The following ZCCHC7 variants were observed in gnomAD, a reference collection of about 807,000 sequenced individuals.
ZCCHC7 encodes the protein zinc finger CCHC-type containing 7.
Under a neutral mutation model 52.0 loss-of-function variants are expected in ZCCHC7, and 35 were observed. That is an observed-to-expected ratio of 0.67 (90% CI 0.51 to 0.89). The LOEUF is 0.89. Among genes scored for constraint, ZCCHC7 ranks in the 40% least tolerant of loss-of-function variants. The probability of loss-of-function intolerance (pLI) is 0.00; values close to 1 mark genes in which losing one functional copy is unlikely to be tolerated. For missense variants in ZCCHC7, 574 were observed against 649.1 expected (o/e 0.88, Z 1.26); for synonymous variants, 217 against 221.5 (o/e 0.98, Z 0.18).
chr9:37,240,589 C>A (rs1489372926), intron 2 of ZCCHC7, among the ~76,000 whole-genome samples: 1 of 151,788 alleles, frequency 6.6e-6, no homozygotes, highest in African/African-American at 2.4e-5. Context: ...TTTTATTTTT[C>A]TTGCCACTTA....
chr9:37,344,966 G>A (rs1363432200), intron 6 of ZCCHC7, among the ~76,000 whole-genome samples: 1 of 152,106 alleles, frequency 6.6e-6, no homozygotes, highest in Non-Finnish European at 1.5e-5. Flanking sequence ...TGCTCTACTT[G>A]TCCCCTTCCC....
intron 2 of ZCCHC7, among the ~76,000 whole-genome samples, chr9:37,242,579 T>C (rs911657630): frequency 2.6e-5 from 4 of 151,742 alleles, no homozygotes; most frequent in African/African-American, 4.8e-5. Flanking sequence ...TTGTACTCTA[T>C]GTAGATAGTG....
chr9:37,311,169 C>T (rs867669992), intron 5 of ZCCHC7, among the ~76,000 whole-genome samples: 10 of 152,170 alleles, frequency 6.6e-5, no homozygotes, highest in Admixed American at 3.9e-4. Context: ...GCAGCTTCAG[C>T]AATCTTTATT....
intron 2 of ZCCHC7, among the ~76,000 whole-genome samples, chr9:37,296,881 TTGTGTGTGTGTGTGTGTGTGTGTG>T (rs56378965): frequency 1.6e-5 from 2 of 124,136 alleles, no homozygotes; most frequent in African/African-American, 3.0e-5. Context: ...CCTGGCTAGT[TTGTGTGTGTGTGTGTGTGTGTGTG>T]TGTGTGTGTG....
chr9:37,193,361 A>G (rs1018684435), intron 2 of ZCCHC7, among the ~76,000 whole-genome samples: 7 of 152,174 alleles, frequency 4.6e-5, no homozygotes, highest in Non-Finnish European at 7.3e-5. Context: ...TTGGAATAAA[A>G]TTACTTTTAT....
chr9:37,314,447 G>T (rs191979854), intron 5 of ZCCHC7, among the ~76,000 whole-genome samples: 2 of 152,042 alleles, frequency 1.3e-5, no homozygotes, highest in Non-Finnish European at 2.9e-5. Context: ...ACTAAATCCA[G>T]GTATAAAAGT....
chr9:37,223,553 T>C (rs534988245), intron 2 of ZCCHC7, among the ~76,000 whole-genome samples: 1 of 152,258 alleles, frequency 6.6e-6, no homozygotes, highest in East Asian at 1.9e-4. Context: ...TAAAAGTGTT[T>C]TGAAAATAGT....
At chr9:37,218,750 A>G (rs1824650145) in intron 2 of ZCCHC7, among the ~76,000 whole-genome samples, 1 of 152,202 alleles carries the variant, frequency 6.6e-6, no homozygotes, top group Non-Finnish European at 1.5e-5. Flanking sequence ...TAGAGGTTGC[A>G]GTGAGCCGAG....
At chr9:37,199,589 T>C (rs1823492585) in intron 2 of ZCCHC7, among the ~76,000 whole-genome samples, 1 of 151,814 alleles carries the variant, frequency 6.6e-6, no homozygotes, top group Admixed American at 6.6e-5. Flanking sequence ...TGCCTCGGCC[T>C]CCCAAAGTGC....
At chr9:37,124,893 C>T (rs536758977) in intron 1 of ZCCHC7, among the ~76,000 whole-genome samples, 1 of 152,124 alleles carries the variant, frequency 6.6e-6, no homozygotes, top group South Asian at 2.1e-4. Context: ...GCTCTGTTGC[C>T]CAGGGTGAAG....
intron 2 of ZCCHC7, among the ~76,000 whole-genome samples, chr9:37,188,499 C>T (rs1822790107): frequency 8.3e-6 from 1 of 119,764 alleles, no homozygotes; most frequent in Non-Finnish European, 1.8e-5. Flanking sequence ...TACCCCTCCC[C>T]CCTTCCTTCC....
chr9:37,189,631 G>C (rs1401728693), intron 2 of ZCCHC7, among the ~76,000 whole-genome samples: 1 of 151,454 alleles, frequency 6.6e-6, no homozygotes, highest in Non-Finnish European at 1.5e-5. Context: ...CAGGTGATCT[G>C]CCTGCCTTGG....
chr9:37,357,449 C>A lies in ZCCHC7; in HGVS notation c.*181C>A. 1 of 491,304 alleles carries A rather than the reference C, an allele frequency of 2.0e-6. No homozygotes were observed. The highest frequency in any genetic ancestry group is 3.4e-6 in the Non-Finnish European group (1 of 292,578). The allele number at this position is 491,304 out of a possible 1,614,324, so 30.4% of individuals were successfully genotyped here. On this transcript the variant is annotated 3_prime_UTR_variant, in exon 9 of 9. Coordinates refer to ENST00000336755, the MANE Select transcript of ZCCHC7 (RefSeq NM_032226.3). ...GGAGATCTCAATTCTCTGTGTCCAA[C>A]AGGATATTAGGTAAGAAAGTACAAA... is the stretch of plus-strand genomic sequence containing the variant.
intron 2 of ZCCHC7, among the ~76,000 whole-genome samples, chr9:37,252,776 GACAA>G (rs1826391454): frequency 6.6e-6 from 1 of 152,088 alleles, no homozygotes; most frequent in African/African-American, 2.4e-5. Flanking sequence ...ATTAAGTGAG[GACAA>G]ACATAGTACC....
At chr9:37,306,685 G>A (rs964024555) in intron 5 of ZCCHC7, among the ~76,000 whole-genome samples, 13 of 137,712 alleles carry the variant, frequency 9.4e-5, no homozygotes, top group East Asian at 4.7e-4. Context: ...GGATGGTCTC[G>A]ATCTCCTGAC....
chr9:37,206,886 C>T (rs1425713832), intron 2 of ZCCHC7, among the ~76,000 whole-genome samples: 1 of 151,750 alleles, frequency 6.6e-6, no homozygotes, highest in Non-Finnish European at 1.5e-5. Context: ...AAAAGTGTTT[C>T]AGGCAGAGGC....
chr9:37,297,841 A>G (rs1381186965), intron 2 of ZCCHC7, among the ~76,000 whole-genome samples: 1 of 152,226 alleles, frequency 6.6e-6, no homozygotes, highest in South Asian at 2.1e-4. Context: ...CTCTCTTAGT[A>G]AAGGAATGAC....
chr9:37,145,915 T>C (rs1387606373), intron 2 of ZCCHC7, among the ~76,000 whole-genome samples: 1 of 151,922 alleles, frequency 6.6e-6, no homozygotes, highest in Non-Finnish European at 1.5e-5. Context: ...TGGATAATTA[T>C]CTTGGACAGT....
intron 6 of ZCCHC7, among the ~76,000 whole-genome samples, chr9:37,336,075 A>C (rs1465942055): frequency 6.6e-6 from 1 of 152,200 alleles, no homozygotes; most frequent in Non-Finnish European, 1.5e-5. Context: ...TAGAGGGCTT[A>C]TGTTAATCAG....
Sources: gnomAD v4.1 joint callset for allele counts (sites outside exome capture counted in the v4.1 genomes callset) on GRCh38, gnomAD v4.1.1 for gene constraint, MANE v1.5 for transcripts, NCBI Gene and HGNC (gene_info 2026-07-23, HGNC 2026-07-21) for gene names.